SLC44A5: variants seen among roughly 807,000 people sequenced by gnomAD.
SLC44A5 encodes solute carrier family 44 member 5, also known as choline transporter-like protein 5.
SLC44A5 carries 57 observed loss-of-function variants against 101.8 expected under a neutral mutation model. The ratio of observed to expected loss-of-function variants is 0.56; its 90% CI spans 0.45 to 0.70. SLC44A5 has a LOEUF of 0.70. Among genes scored for constraint, SLC44A5 ranks in the 30% least tolerant of loss-of-function variants. SLC44A5 has a pLI of 0.00. For synonymous variants in SLC44A5, 281 were observed against 290.9 expected (o/e 0.97, Z 0.35); for missense variants, 737 against 853.1 (o/e 0.86, Z 1.70).
intron 2 of SLC44A5, among the ~76,000 whole-genome samples, chr1:75,428,151 A>G (rs1401231377): frequency 6.6e-6 from 1 of 152,070 alleles, no homozygotes; most frequent in Non-Finnish European, 1.5e-5. Flanking sequence ...CAAGAAATAA[A>G]CCTCTGTTGT....
the SLC44A5 span, among the ~76,000 whole-genome samples, chr1:75,616,257 C>T: frequency 3.9e-5 from 6 of 152,078 alleles, no homozygotes; most frequent in African/African-American, 1.2e-4. Context: ...ACGCCCCCAC[C>T]CCCGGTGTCC....
At chr1:75,286,294 G>C (rs1248225013) in intron 5 of SLC44A5, among the ~76,000 whole-genome samples, 1 of 151,978 alleles carries the variant, frequency 6.6e-6, no homozygotes, top group Non-Finnish European at 1.5e-5. Flanking sequence ...AGCTACTCTT[G>C]CTTGATTTTG....
At chr1:75,446,852 G>A (rs1286913787) in intron 2 of SLC44A5, among the ~76,000 whole-genome samples, 1 of 152,080 alleles carries the variant, frequency 6.6e-6, no homozygotes. Context: ...TAGTAGAATA[G>A]TTATTTCTTA....
At chr1:75,203,944 T>TTG in intron 23 of SLC44A5, 111 bp from the exon 24 acceptor site, 1 of 1,313,350 alleles carries the variant, frequency 7.6e-7, no homozygotes, top group East Asian at 2.8e-5. Context: ...TTTGTTGTTT[T>TTG]TTTTTTGTTG....
chr1:75,621,532 G>A, the SLC44A5 span, among the ~76,000 whole-genome samples: 1 of 152,088 alleles, frequency 6.6e-6, no homozygotes, highest in Admixed American at 6.5e-5. Context: ...CAGTGAAAAG[G>A]TTGAAAAATA....
chr1:75,562,557 G>T (rs1030706810), intron 1 of SLC44A5, among the ~76,000 whole-genome samples: 1 of 151,976 alleles, frequency 6.6e-6, no homozygotes, highest in Non-Finnish European at 1.5e-5. Context: ...AATTAGCCGA[G>T]TATGGTGACC....
the SLC44A5 span, among the ~76,000 whole-genome samples, chr1:75,706,780 C>A: frequency 6.6e-6 from 1 of 151,994 alleles, no homozygotes; most frequent in Non-Finnish European, 1.5e-5. Context: ...ATTCATTTTT[C>A]TTTTTTTCAT....
intron 6 of SLC44A5, among the ~76,000 whole-genome samples, chr1:75,256,123 TAA>T (rs1650001193): frequency 6.6e-6 from 1 of 152,082 alleles, no homozygotes; most frequent in South Asian, 2.1e-4. Flanking sequence ...TATATGAAAT[TAA>T]AAAGTTAACT....
intron 6 of SLC44A5, among the ~76,000 whole-genome samples, chr1:75,263,443 C>T (rs1182827166): frequency 6.6e-6 from 1 of 152,110 alleles, no homozygotes; most frequent in Non-Finnish European, 1.5e-5. Context: ...CCATCTCATG[C>T]CAGTTAGAAT....
At chr1:75,551,642 A>T (rs1259990189) in intron 1 of SLC44A5, among the ~76,000 whole-genome samples, 1 of 152,056 alleles carries the variant, frequency 6.6e-6, no homozygotes, top group Non-Finnish European at 1.5e-5. Flanking sequence ...GTGTCCACAT[A>T]ATAACCCAGT....
chr1:75,605,827 G>A (rs952783484), intron 1 of SLC44A5, among the ~76,000 whole-genome samples: 7 of 152,026 alleles, frequency 4.6e-5, no homozygotes, highest in African/African-American at 9.7e-5. Context: ...TCCTGCTTCC[G>A]GATCCCTTTT....
At chr1:75,236,877 C>A (rs995602636) in intron 11 of SLC44A5, 110 bp downstream of exon 11, 16 of 566,200 alleles carry the variant, frequency 2.8e-5, no homozygotes, top group Non-Finnish European at 5.0e-5. Flanking sequence ...GTTATGCCAC[C>A]AGTACATTTC....
At chr1:75,646,577 T>G in the SLC44A5 span, among the ~76,000 whole-genome samples, 5,329 of 152,178 alleles carry the variant, frequency 0.035, 325 homozygotes, top group African/African-American at 0.12. Flanking sequence ...CCCCACATGT[T>G]GCAGGAGGGA....
chr1:75,529,533 C>T (rs1225108533), intron 2 of SLC44A5, among the ~76,000 whole-genome samples: 2 of 152,118 alleles, frequency 1.3e-5, no homozygotes, highest in African/African-American at 4.8e-5. Flanking sequence ...CAATTTTTAG[C>T]CTGACAATAG....
chr1:75,437,226 G>C (rs1038474587), intron 2 of SLC44A5, among the ~76,000 whole-genome samples: 3 of 152,078 alleles, frequency 2.0e-5, no homozygotes, highest in African/African-American at 7.2e-5. Flanking sequence ...GTCCATAGTT[G>C]TATGTGCTAT....
chr1:75,239,456 A>C (rs1648411853), intron 9 of SLC44A5, among the ~76,000 whole-genome samples: 1 of 152,004 alleles, frequency 6.6e-6, no homozygotes, highest in African/African-American at 2.4e-5. Flanking sequence ...ATGTAGTTTA[A>C]ACCTGAAGAT....
At chr1:75,471,141 T>C (rs1035799906) in intron 2 of SLC44A5, among the ~76,000 whole-genome samples, 1 of 151,822 alleles carries the variant, frequency 6.6e-6, no homozygotes, top group African/African-American at 2.4e-5. Flanking sequence ...TTTTTTAACC[T>C]TTTTTTTACG....
chr1:75,329,367 T>C (rs1448496057), intron 4 of SLC44A5, among the ~76,000 whole-genome samples: 2 of 152,184 alleles, frequency 1.3e-5, no homozygotes, highest in African/African-American at 4.8e-5. Flanking sequence ...CCAATTCTCT[T>C]TTCCATTCTT....
chr1:75,510,721 T>C (rs183659038), intron 2 of SLC44A5, among the ~76,000 whole-genome samples: 1 of 152,200 alleles, frequency 6.6e-6, no homozygotes, highest in Non-Finnish European at 1.5e-5. Context: ...ATTTGCTAAA[T>C]TCAGTGCATC....
Sources: gnomAD v4.1 joint callset for allele counts (sites outside exome capture counted in the v4.1 genomes callset) on GRCh38, gnomAD v4.1.1 for gene constraint, MANE v1.5 for transcripts, NCBI Gene and HGNC (gene_info 2026-07-23, HGNC 2026-07-21) for gene names.